ARB2A: variants seen among roughly 807,000 people sequenced by gnomAD.
ARB2A encodes the protein cotranscriptional regulator ARB2A.
the ARB2A span, among the ~76,000 whole-genome samples, chr5:93,931,701 T>G: frequency 6.6e-6 from 1 of 152,090 alleles, no homozygotes; most frequent in African/African-American, 2.4e-5. Context: ...AAATAAATTT[T>G]CACAAAGTGA....
At chr5:93,954,894 A>G in the ARB2A span, among the ~76,000 whole-genome samples, 4 of 152,062 alleles carry the variant, frequency 2.6e-5, no homozygotes, top group Non-Finnish European at 4.4e-5. Context: ...ATGGATGCCA[A>G]CTGAGATCTG....
chr5:94,026,355 T>C, the ARB2A span, among the ~76,000 whole-genome samples: 1 of 151,718 alleles, frequency 6.6e-6, no homozygotes, highest in Non-Finnish European at 1.5e-5. Flanking sequence ...GGTCTTGAGT[T>C]CTTGTCCTGT....
the ARB2A span, among the ~76,000 whole-genome samples, chr5:94,089,670 A>T: frequency 1.3e-5 from 2 of 149,502 alleles, no homozygotes; most frequent in South Asian, 4.2e-4. Context: ...GTAAGCTGTA[A>T]GCCTCCAGTG....
At chr5:93,807,500 G>A in the ARB2A span, among the ~76,000 whole-genome samples, 1 of 151,984 alleles carries the variant, frequency 6.6e-6, no homozygotes, top group African/African-American at 2.4e-5. Context: ...GTTTCATAGT[G>A]AAACTAATCA....
the ARB2A span, among the ~76,000 whole-genome samples, chr5:93,744,434 C>CAAAAA: frequency 7.3e-3 from 106 of 14,516 alleles, 20 homozygotes; most frequent in African/African-American, 0.014. Flanking sequence ...GACTCAGTCT[C>CAAAAA]AAAAAAAAAA....
At chr5:94,070,975 T>C in the ARB2A span, among the ~76,000 whole-genome samples, 6 of 152,058 alleles carry the variant, frequency 3.9e-5, no homozygotes, top group East Asian at 9.6e-4. Flanking sequence ...CCTTGAAAAG[T>C]GGTGTTCTAG....
chr5:93,898,538 C>A, the ARB2A span, among the ~76,000 whole-genome samples: 1 of 151,994 alleles, frequency 6.6e-6, no homozygotes, highest in Non-Finnish European at 1.5e-5. Context: ...AGTGATAAAC[C>A]TCTTTAGTGA....
At chr5:93,786,637 C>CT in the ARB2A span, among the ~76,000 whole-genome samples, 1 of 152,154 alleles carries the variant, frequency 6.6e-6, no homozygotes. Context: ...TGTTAACAGT[C>CT]TAACTTTTTG....
At chr5:93,837,228 C>T in the ARB2A span, among the ~76,000 whole-genome samples, 1 of 152,068 alleles carries the variant, frequency 6.6e-6, no homozygotes, top group African/African-American at 2.4e-5. Context: ...GTTTTCTGTT[C>T]CTGCATTAGT....
At chr5:93,911,628 C>CCACACACACACA in the ARB2A span, among the ~76,000 whole-genome samples, 457 of 148,772 alleles carry the variant, frequency 3.1e-3, 3 homozygotes, top group Admixed American at 3.8e-3. Context: ...GCATTAGTCA[C>CCACACACACACA]CACACACACA....
the ARB2A span, among the ~76,000 whole-genome samples, chr5:93,663,042 T>C: frequency 2.0e-5 from 3 of 152,194 alleles, no homozygotes; most frequent in Non-Finnish European, 2.9e-5. Context: ...GGGAACCTAA[T>C]TGCATTGACT....
the ARB2A span, among the ~76,000 whole-genome samples, chr5:93,964,751 AT>A: frequency 1.3e-5 from 2 of 152,088 alleles, no homozygotes; most frequent in Non-Finnish European, 2.9e-5. Context: ...ATTAATATAC[AT>A]TAACAAAAAT....
At chr5:93,728,873 T>A in the ARB2A span, among the ~76,000 whole-genome samples, 1 of 152,296 alleles carries the variant, frequency 6.6e-6, no homozygotes, top group East Asian at 1.9e-4. Flanking sequence ...TTCAATGTCT[T>A]TTTGAAAGAC....
chr5:93,868,292 C>A, the ARB2A span, among the ~76,000 whole-genome samples: 1 of 152,164 alleles, frequency 6.6e-6, no homozygotes, highest in African/African-American at 2.4e-5. Flanking sequence ...TGCACTCCAG[C>A]CTGGGTGACA....
the ARB2A span, among the ~76,000 whole-genome samples, chr5:93,993,754 C>CT: frequency 6.6e-6 from 1 of 151,390 alleles, no homozygotes. Context: ...AGTAAGAACT[C>CT]TAAGAAGAGA....
chr5:93,978,930 A>G, the ARB2A span, among the ~76,000 whole-genome samples: 1 of 152,088 alleles, frequency 6.6e-6, no homozygotes, highest in African/African-American at 2.4e-5. Context: ...TGGAAGGTAA[A>G]AATTCTAATG....
chr5:93,640,942 C>T, the ARB2A span, among the ~76,000 whole-genome samples: 2 of 152,140 alleles, frequency 1.3e-5, no homozygotes, highest in East Asian at 3.9e-4. Context: ...TGGTTCACGC[C>T]TGTAATCCCA....
chr5:93,746,944 T>C, the ARB2A span, among the ~76,000 whole-genome samples: 8 of 152,168 alleles, frequency 5.3e-5, no homozygotes, highest in African/African-American at 1.7e-4. Flanking sequence ...TTAAACAAAC[T>C]TTTTAGCTGA....
At chr5:93,945,161 G>C in the ARB2A span, among the ~76,000 whole-genome samples, 1 of 152,112 alleles carries the variant, frequency 6.6e-6, no homozygotes, top group Non-Finnish European at 1.5e-5. Context: ...GTAATCTATA[G>C]GCCACGTGTG....
Sources: allele counts gnomAD v4.1 joint callset (sites outside exome capture counted in the v4.1 genomes callset), GRCh38; gene constraint gnomAD v4.1.1; transcripts MANE v1.5; gene names NCBI Gene and HGNC (gene_info 2026-07-23, HGNC 2026-07-21).